The following ZBTB7C variants were observed in gnomAD, a reference collection of about 807,000 sequenced individuals.
ZBTB7C encodes the protein zinc finger and BTB domain containing 7C.
In ZBTB7C, 8 loss-of-function variants were observed where a neutral mutation model predicts 25.7. That is an observed-to-expected ratio of 0.31 (90% CI 0.18 to 0.56). The LOEUF is 0.56. Ranked by LOEUF, ZBTB7C falls within the 20% of genes least tolerant of loss-of-function variation. ZBTB7C has a pLI of 0.91. For synonymous variants in ZBTB7C, 394 were observed against 369.0 expected (o/e 1.07, Z -0.78); for missense variants, 824 against 855.2 (o/e 0.96, Z 0.46).
At chr18:48,348,721 G>A (rs1483181220) in intron 1 of ZBTB7C, among the ~76,000 whole-genome samples, 2 of 152,252 alleles carry the variant, frequency 1.3e-5, no homozygotes, top group African/African-American at 4.8e-5. Flanking sequence ...GGAGGCTGAG[G>A]CAGGAGAATA....
chr18:48,372,804 GC>G (rs568856409), intron 1 of ZBTB7C, among the ~76,000 whole-genome samples: 253 of 152,140 alleles, frequency 1.7e-3, no homozygotes, highest in African/African-American at 5.6e-3. Flanking sequence ...GAGGCACCAT[GC>G]CCCCTCCCAC....
intron 1 of ZBTB7C, among the ~76,000 whole-genome samples, chr18:48,389,456 C>G (rs566725654): frequency 7.9e-6 from 1 of 126,424 alleles, no homozygotes; most frequent in Non-Finnish European, 1.6e-5. Flanking sequence ...TTTCATGACT[C>G]TTGGATTTTT....
Position 48,250,170 on chromosome 18 carries a change from C to A in ZBTB7C, c.-78-64175G>T, listed in dbSNP as rs1473514459. ...GTCAAGTGGTTCCACTGATCCAGAA[C>A]CCCCAACATCTTTGAAAACAAGCAC... On this transcript the variant is annotated intron_variant, in intron 2 of 4. Coordinates refer to ENST00000590800, the MANE Select transcript of ZBTB7C (RefSeq NM_001318841.2). Among the ~76,000 whole-genome samples, 5 of 152,128 alleles carry A rather than the reference C, an allele frequency of 3.3e-5. No homozygotes were observed. In the East Asian group the frequency reaches 7.7e-4, roughly 23 times the overall value.
intron 3 of ZBTB7C, chr18:48,041,469 T>C (rs1050986436): frequency 1.0e-6 from 1 of 985,338 alleles, no homozygotes; most frequent in African/African-American, 1.7e-5. Flanking sequence ...AAAAGCCTCA[T>C]GAACCTAGCT....
chr18:48,150,361 CACCT>C (rs2040636744), intron 3 of ZBTB7C: 1 of 152,144 alleles, frequency 6.6e-6, no homozygotes, highest in African/African-American at 2.4e-5. Context: ...GTGGGCAAAT[CACCT>C]TAGGTCAGGA....
intron 2 of ZBTB7C, among the ~76,000 whole-genome samples, chr18:48,254,786 C>T (rs1341152150): frequency 6.6e-6 from 1 of 152,146 alleles, no homozygotes; most frequent in Non-Finnish European, 1.5e-5. Flanking sequence ...AGGTTTCCTC[C>T]CATCTCCTCA....
chr18:48,037,642 T>G (rs988594889), intron 4 of ZBTB7C, among the ~76,000 whole-genome samples: 1 of 152,198 alleles, frequency 6.6e-6, no homozygotes, highest in Non-Finnish European at 1.5e-5. Flanking sequence ...AGATGGGGTC[T>G]CAGGGTGCCA....
intron 2 of ZBTB7C, among the ~76,000 whole-genome samples, chr18:48,286,869 C>T (rs79570935): frequency 0.082 from 12,475 of 151,976 alleles, 620 homozygotes; most frequent in African/African-American, 0.13. Flanking sequence ...CTGGGCAACA[C>T]GGCAAACCCC....
intron 3 of ZBTB7C, among the ~76,000 whole-genome samples, chr18:48,093,146 T>G (rs1179196950): frequency 2.0e-5 from 3 of 152,232 alleles, no homozygotes; most frequent in African/African-American, 4.8e-5. Context: ...GAGCACTGAC[T>G]GGGCTTTCCT....
chr18:48,078,000 A>T (rs1398439246), intron 3 of ZBTB7C, among the ~76,000 whole-genome samples: 2 of 152,098 alleles, frequency 1.3e-5, no homozygotes, highest in African/African-American at 2.4e-5. Flanking sequence ...GCAGGCAGCC[A>T]AGCATCTGTT....
At chr18:48,374,724 C>T (rs979503361) in intron 1 of ZBTB7C, among the ~76,000 whole-genome samples, 2 of 152,234 alleles carry the variant, frequency 1.3e-5, no homozygotes, top group Non-Finnish European at 1.5e-5. Context: ...TAAGACCCAA[C>T]GGATGGGTGC....
intron 1 of ZBTB7C, among the ~76,000 whole-genome samples, chr18:48,398,665 G>C (rs1394506887): frequency 1.3e-5 from 2 of 152,022 alleles, no homozygotes; most frequent in Non-Finnish European, 2.9e-5. Flanking sequence ...GCTTATCTCA[G>C]ACCCCACCGC....
intron 3 of ZBTB7C, among the ~76,000 whole-genome samples, chr18:48,043,461 G>A (rs879481637): frequency 3.3e-5 from 5 of 152,174 alleles, no homozygotes; most frequent in Admixed American, 1.3e-4. Flanking sequence ...AGGGAGTTAC[G>A]CTGAGTGAAA....
intron 2 of ZBTB7C, among the ~76,000 whole-genome samples, chr18:48,220,760 G>C (rs1221261905): frequency 4.6e-5 from 7 of 152,058 alleles, no homozygotes; most frequent in Admixed American, 3.3e-4. Context: ...CTCTACAATA[G>C]AAAGAGTCCA....
At chr18:48,237,488 A>G (rs1568322535) in intron 2 of ZBTB7C, among the ~76,000 whole-genome samples, 2 of 152,196 alleles carry the variant, frequency 1.3e-5, no homozygotes, top group Admixed American at 6.5e-5. Flanking sequence ...AAGATGCTCA[A>G]CCTTGGCTAT....
chr18:48,087,539 C>T lies in ZBTB7C; in HGVS notation c.-16-46416G>A, dbSNP rs540055998. The T allele has an allele frequency of 4.6e-5, 7 of 152,262 alleles. No individual in the cohort carries two copies. The East Asian group carries it at 1.4e-3, about 29-fold the overall frequency. 9.4% of individuals were successfully genotyped at this position (152,262 alleles called of 1,614,324 possible). On this transcript the variant is annotated intron_variant, in intron 3 of 4. Coordinates refer to ENST00000590800, the MANE Select transcript of ZBTB7C (RefSeq NM_001318841.2). ...ATCACTCTTGTGGTAATCCCCACGC[C>T]TGGGGAGGCTGAGGCAGGAAAAATC...
chr18:48,173,417 C>T (rs757261142), intron 3 of ZBTB7C, among the ~76,000 whole-genome samples: 1 of 152,204 alleles, frequency 6.6e-6, no homozygotes, highest in Non-Finnish European at 1.5e-5. Context: ...AAAATCCAAA[C>T]TCCTCCCAGC....
At chr18:48,080,032 C>T (rs2037922026) in intron 3 of ZBTB7C, among the ~76,000 whole-genome samples, 1 of 152,258 alleles carries the variant, frequency 6.6e-6, no homozygotes, top group Admixed American at 6.5e-5. Flanking sequence ...CAGACGTTAC[C>T]ACACTCTGGC....
chr18:48,292,363 C>T lies in ZBTB7C; in HGVS notation c.-79+45811G>A, dbSNP rs1259852349. 2.6e-5 allele frequency among the ~76,000 whole-genome samples: 4 copies of T among 152,284 alleles called. No individual in the cohort carries two copies. In the East Asian group the frequency reaches 7.7e-4, roughly 29 times the overall value. ...GAAGTTAAGCCACTTCCCCAAAGTC[C>T]TACCACTACTAAGGATAGAGTGAGG... On this transcript the variant is annotated intron_variant, in intron 2 of 4. Coordinates refer to ENST00000590800, the MANE Select transcript of ZBTB7C (RefSeq NM_001318841.2).
Sources: allele counts gnomAD v4.1 joint callset (sites outside exome capture counted in the v4.1 genomes callset), GRCh38; gene constraint gnomAD v4.1.1; transcripts MANE v1.5; gene names NCBI Gene and HGNC (gene_info 2026-07-23, HGNC 2026-07-21).